The following AJAP1 variants were observed in gnomAD, a reference collection of about 807,000 sequenced individuals.
AJAP1 encodes adherens junction-associated protein 1.
AJAP1 carries 5 observed loss-of-function variants against 35.0 expected under a neutral mutation model. The observed-to-expected ratio is 0.14, with a 90% confidence interval of 0.07 to 0.30. The LOEUF is 0.30. AJAP1 is among the 10% of genes least tolerant of loss of function. AJAP1 has a pLI of 1.00. For missense variants in AJAP1, 586 were observed against 571.0 expected (o/e 1.03, Z -0.27); for synonymous variants, 284 against 249.3 (o/e 1.14, Z -1.31).
At chr1:4,696,540 C>T (rs1009162240) in intron 1 of AJAP1, among the ~76,000 whole-genome samples, 9 of 152,204 alleles carry the variant, frequency 5.9e-5, no homozygotes, top group African/African-American at 1.7e-4. Flanking sequence ...TGCCGGGCTG[C>T]ATCTGCTCTA....
rs1240202293 is a variant in AJAP1, at chr1:4,692,842, G to A, written c.30-19058G>A. Among the ~76,000 whole-genome samples, 1 of 152,190 alleles carries A rather than the reference G, an allele frequency of 6.6e-6. No homozygotes were observed. Among genetic ancestry groups the A allele is most frequent in the Non-Finnish European group, 1.5e-5 (1 of 68,032 alleles). ...CCTCTGTCTGTTGGCCCACGAACAG[G>A]CATTAAGTGCACATTTTTCCAAGCT... is the stretch of plus-strand genomic sequence containing the variant. On this transcript the variant is annotated intron_variant, in intron 1 of 5. Transcript: ENST00000378191. This position sits in a 1 kb window ranked among gnomAD's most constrained non-coding sequence, Gnocchi z 4.4.
chr1:4,731,243 G>A (rs1329775398), intron 2 of AJAP1, among the ~76,000 whole-genome samples: 5 of 152,072 alleles, frequency 3.3e-5, no homozygotes, highest in Admixed American at 1.3e-4. Context: ...ACCATGCCCG[G>A]CTAATTTTTG....
At chr1:4,725,119 C>T (rs1197082520) in intron 2 of AJAP1, among the ~76,000 whole-genome samples, 1 of 152,206 alleles carries the variant, frequency 6.6e-6, no homozygotes, top group East Asian at 1.9e-4. Flanking sequence ...CCAGCTCAGC[C>T]AAGGCTTGCT....
At chr1:4,712,839 T>G in intron 2 of AJAP1, 140 bp downstream of exon 2, 1 of 841,860 alleles carries the variant, frequency 1.2e-6, no homozygotes, top group South Asian at 2.9e-5. Flanking sequence ...TCCATGAGCT[T>G]GCACATGCCT....
At chr1:4,704,677 T>C (rs1372278596) in intron 1 of AJAP1, among the ~76,000 whole-genome samples, 3 of 152,214 alleles carry the variant, frequency 2.0e-5, no homozygotes, top group Admixed American at 6.5e-5. Flanking sequence ...TACCCAGTCA[T>C]GGGATGGCTG....
At chr1:4,688,393 C>T (rs1026183363) in intron 1 of AJAP1, among the ~76,000 whole-genome samples, 15 of 152,162 alleles carry the variant, frequency 9.9e-5, no homozygotes, top group African/African-American at 3.4e-4. Flanking sequence ...CAAACACGGT[C>T]TTATGTAGTG....
intron 1 of AJAP1, among the ~76,000 whole-genome samples, chr1:4,680,975 G>T (rs1639469052): frequency 2.6e-5 from 4 of 152,156 alleles, no homozygotes; most frequent in Admixed American, 2.6e-4. Flanking sequence ...AATTCAGGTG[G>T]ATTTGGAAAT....
intron 2 of AJAP1, among the ~76,000 whole-genome samples, chr1:4,740,395 A>AGTGGGTGAGGGGGAGGGGGAGTGAGT (rs1553159527): frequency 7.4e-6 from 1 of 135,430 alleles, no homozygotes. Context: ...ATGGGGACAG[A>AGTGGGTGAGGGGGAGGGGGAGTGAGT]GTTTCAGTTT....
rs940252736 is a variant in AJAP1 at position 4,688,888 on chromosome 1, G to A, written c.30-23012G>A. 2.0e-5 allele frequency among the ~76,000 whole-genome samples: 3 copies of A among 152,022 alleles called. No homozygotes were observed. In the East Asian group the frequency reaches 5.8e-4, roughly 29 times the overall value. On this transcript the variant is annotated intron_variant, in intron 1 of 5. Coordinates refer to ENST00000378191, the MANE Select transcript of AJAP1 (RefSeq NM_018836.4). The stretch of plus-strand genomic sequence containing the variant: ...CAGGAAGTTCACAGGAGGACGCTGA[G>A]CCCATTATCTCCCTTCTACAGGTGG...
intron 1 of AJAP1, among the ~76,000 whole-genome samples, chr1:4,696,112 A>G (rs1387091412): frequency 3.3e-5 from 5 of 152,122 alleles, no homozygotes; most frequent in Non-Finnish European, 5.9e-5. Flanking sequence ...TGGCTCCTAT[A>G]AAAAGCCAAC....
chr1:4,656,230 C>A lies in AJAP1; in HGVS notation c.29+776C>A, dbSNP rs1240784888. Reference sequence around the variant, plus strand: ...GGTGGGGGTGTCCAGAAAGACCCTTCTCGGCAAACTTTGCCAGCCCGCCGG... The same window carrying A: ...GGTGGGGGTGTCCAGAAAGACCCTTATCGGCAAACTTTGCCAGCCCGCCGG... On this transcript the variant is annotated intron_variant, in intron 1 of 5. Coordinates refer to ENST00000378191, the MANE Select transcript of AJAP1 (RefSeq NM_018836.4). The surrounding 1 kb of genome is among the most constrained non-coding windows in gnomAD (Gnocchi z 5.7). Among the ~76,000 whole-genome samples, 1 of 152,174 alleles carries A rather than the reference C, an allele frequency of 6.6e-6. No individual in the cohort carries two copies. Among genetic ancestry groups the A allele is most frequent in the Non-Finnish European group, 1.5e-5 (1 of 68,022 alleles).
chr1:4,715,697 A>G (rs942990012), intron 2 of AJAP1, among the ~76,000 whole-genome samples: 1 of 152,184 alleles, frequency 6.6e-6, no homozygotes, highest in Non-Finnish European at 1.5e-5. Flanking sequence ...AAAAAAAAAG[A>G]AATATTTTTC....
At chr1:4,739,419 T>G (rs530049806) in intron 2 of AJAP1, among the ~76,000 whole-genome samples, 105 of 152,324 alleles carry the variant, frequency 6.9e-4, no homozygotes, top group African/African-American at 2.4e-3. Flanking sequence ...GCAATGCATT[T>G]GGAATGCAGT....
rs374067055 is a variant in AJAP1, at chr1:4,708,237, A to G, written c.30-3663A>G. Reference sequence around the variant, plus strand: ...CACCTCGGCCTCCCAAAGTGCTGGGATTACAGGCGTGAGCCACCATGTCTG... The same window carrying G: ...CACCTCGGCCTCCCAAAGTGCTGGGGTTACAGGCGTGAGCCACCATGTCTG... On this transcript the variant is annotated intron_variant, in intron 1 of 5. Transcript: ENST00000378191. 1.2e-4 allele frequency among the ~76,000 whole-genome samples: 19 copies of G among 152,084 alleles called. No individual in the cohort carries two copies. In the East Asian group the frequency reaches 2.7e-3, roughly 22 times the overall value.
At chr1:4,714,042 G>T (rs969590839) in intron 2 of AJAP1, among the ~76,000 whole-genome samples, 1 of 152,222 alleles carries the variant, frequency 6.6e-6, no homozygotes, top group African/African-American at 2.4e-5. Flanking sequence ...TTTTCATGGG[G>T]TGGGTGGCTT....
chr1:4,762,888 C>G (rs1311346541), intron 2 of AJAP1, among the ~76,000 whole-genome samples: 1 of 152,172 alleles, frequency 6.6e-6, no homozygotes, highest in Non-Finnish European at 1.5e-5. Flanking sequence ...CACCCTCTAC[C>G]AAGAAACTTG....
intron 2 of AJAP1, among the ~76,000 whole-genome samples, chr1:4,722,310 C>T (rs1458020365): frequency 1.3e-5 from 2 of 152,236 alleles, no homozygotes; most frequent in African/African-American, 4.8e-5. Flanking sequence ...TGCAAGTTCA[C>T]AGCGCAGAGG....
Position 4,780,998 on chromosome 1 carries a change from G to A in AJAP1, c.*60-1547G>A, listed in dbSNP as rs116524481. Reference sequence around the variant, plus strand: ...GGTGACGCCCAGGGCCCAGCCTCTTGTCCAGGTGCAGAGGGGTCCAGGGAA... The same window carrying A: ...GGTGACGCCCAGGGCCCAGCCTCTTATCCAGGTGCAGAGGGGTCCAGGGAA... On this transcript the variant is annotated intron_variant, in intron 5 of 5. Transcript: ENST00000378191. 5.5e-3 allele frequency among the ~76,000 whole-genome samples: 830 copies of A among 152,256 alleles called. 3 individuals carry two copies. The highest frequency in any genetic ancestry group is 0.019 in the African/African-American group (780 of 41,556).
intron 1 of AJAP1, among the ~76,000 whole-genome samples, chr1:4,683,909 G>A (rs1400888504): frequency 6.6e-6 from 1 of 152,152 alleles, no homozygotes; most frequent in Non-Finnish European, 1.5e-5. Context: ...GGAGGAGTAT[G>A]CATGGTGAGG....
Sources: gnomAD v4.1 joint callset for allele counts (sites outside exome capture counted in the v4.1 genomes callset) on GRCh38, gnomAD v4.1.1 for gene constraint, Gnocchi (gnomAD v3.1) non-coding constraint, MANE v1.5 for transcripts, NCBI Gene and HGNC (gene_info 2026-07-23, HGNC 2026-07-21) for gene names.